Variants in GDA observed in about 807,000 individuals in gnomAD.
The protein encoded by GDA is guanine deaminase, also known as cytoplasmic PSD-95 interactor.
GDA carries 18 observed loss-of-function variants against 59.6 expected under a neutral mutation model. That is an observed-to-expected ratio of 0.30 (90% CI 0.21 to 0.45). The LOEUF is 0.45. Among genes scored for constraint, GDA ranks in the 20% least tolerant of loss-of-function variants. The probability of loss-of-function intolerance (pLI) is 1.00; values close to 1 mark genes in which losing one functional copy is unlikely to be tolerated. For synonymous variants in GDA, 201 were observed against 201.1 expected, an observed-to-expected ratio of 1.00 and a Z score of 0.00; for missense variants, 427 against 552.3, an observed-to-expected ratio of 0.77 and a Z score of 2.27.
chr9:72,165,347 A>G (rs368668348), intron 1 of GDA, among the ~76,000 whole-genome samples: 2 of 152,206 alleles, frequency 1.3e-5, no homozygotes, highest in Non-Finnish European at 2.9e-5. Flanking sequence ...ATAATCTAGC[A>G]TTTCAGCGTC....
At chr9:72,118,273 C>CAA (rs373179585) in intron 1 of GDA, among the ~76,000 whole-genome samples, 729 of 65,566 alleles carry the variant, frequency 0.011, 20 homozygotes, top group Non-Finnish European at 0.013. Flanking sequence ...GACTCCACCT[C>CAA]AAAAAAAAAA....
chr9:72,190,317 G>A lies in GDA; in HGVS notation c.124-5183G>A, dbSNP rs888107785. Among the ~76,000 whole-genome samples, 9 of 152,170 alleles carry A rather than the reference G, an allele frequency of 5.9e-5. No homozygotes were observed. The South Asian group carries it at 1.9e-3, about 32-fold the overall frequency. On this transcript the variant is annotated intron_variant, in intron 1 of 13. Coordinates refer to ENST00000358399, the MANE Select transcript of GDA (RefSeq NM_004293.5). Reference sequence around the variant, plus strand: ...AATTTTTGTATTTTTAGTAGAGATGGGGTTTCACCATGTTGGCCAGGCTGG... The same window carrying A: ...AATTTTTGTATTTTTAGTAGAGATGAGGTTTCACCATGTTGGCCAGGCTGG...
intron 1 of GDA, among the ~76,000 whole-genome samples, chr9:72,124,642 G>A (rs1825783140): frequency 6.6e-6 from 1 of 152,148 alleles, no homozygotes; most frequent in Admixed American, 6.5e-5. Flanking sequence ...GTTACAAGGT[G>A]TATGACATCC....
rs1384025125 is a variant in GDA at position 72,250,636 on chromosome 9, A to G, written c.*2294A>G. ...CTATACCTGGGGCCAGATTTTCTGC[A>G]CTTTGAAATGTTGCCTTTGCCTAAT... is the stretch of plus-strand genomic sequence containing the variant. On this transcript the variant is annotated 3_prime_UTR_variant, in exon 14 of 14. Transcript: ENST00000358399. 6 of 1,593,822 alleles carry G rather than the reference A, an allele frequency of 3.8e-6. No individual in the cohort carries two copies. Among genetic ancestry groups the G allele is most frequent in the South Asian group, 3.4e-5 (3 of 89,494 alleles).
At position 72,223,116 on chromosome 9, in the gene GDA, C is replaced by T; in HGVS notation, c.607-4C>T. 3 of 1,436,260 alleles carry T rather than the reference C, an allele frequency of 2.1e-6. No individual in the cohort carries two copies. Among genetic ancestry groups the T allele is most frequent in the Non-Finnish European group, 2.9e-6 (3 of 1,020,676 alleles). The allele number at this position is 1,436,260 out of a possible 1,614,324, so 89.0% of individuals were successfully genotyped here. On this transcript the variant is annotated splice_region_variant and splice_polypyrimidine_tract_variant and intron_variant, in intron 6 of 13. Transcript: ENST00000358399. ...AGGTATCAATTGTTTTTAATTATCT[C>T]CAGTATTCTAGAGTGAAGCCCATAG...
intron 1 of GDA, among the ~76,000 whole-genome samples, chr9:72,178,342 T>A (rs568501689): frequency 6.6e-6 from 1 of 152,316 alleles, no homozygotes; most frequent in African/African-American, 2.4e-5. Flanking sequence ...ATTGGAAATT[T>A]ATGTACATCA....
intron 1 of GDA, chr9:72,194,112 G>A (rs552377556): frequency 6.6e-6 from 1 of 152,394 alleles, no homozygotes; most frequent in African/African-American, 2.4e-5. Flanking sequence ...GACTCCAGGA[G>A]CCTGCTTGAT....
intron 11 of GDA, among the ~76,000 whole-genome samples, chr9:72,242,926 C>G (rs1407807840): frequency 6.6e-6 from 1 of 152,124 alleles, no homozygotes; most frequent in African/African-American, 2.4e-5. Flanking sequence ...GATCCTGTTT[C>G]TTTGATCAAG....
intron 1 of GDA, among the ~76,000 whole-genome samples, chr9:72,121,958 C>G (rs766705335): frequency 3.9e-5 from 6 of 152,144 alleles, no homozygotes; most frequent in Non-Finnish European, 8.8e-5. Context: ...TACCACTTTG[C>G]TAGTTTTTCT....
At chr9:72,116,363 C>T (rs1175052028) in intron 1 of GDA, among the ~76,000 whole-genome samples, 6 of 151,344 alleles carry the variant, frequency 4.0e-5, no homozygotes, top group African/African-American at 1.2e-4. Flanking sequence ...AATGACTCTA[C>T]ACCTCTATGA....
intron 2 of GDA, 81 bp from the exon 3 acceptor site, chr9:72,202,490 C>T: frequency 1.1e-6 from 1 of 951,656 alleles, no homozygotes; most frequent in Non-Finnish European, 1.6e-6. Context: ...TGAAATCATG[C>T]TTGGGAAAAA....
chr9:72,222,636 C>T (rs1837031866), intron 6 of GDA, among the ~76,000 whole-genome samples: 1 of 152,040 alleles, frequency 6.6e-6, no homozygotes, highest in Non-Finnish European at 1.5e-5. Context: ...GAAATCTTTT[C>T]CCATGCCTAT....
chr9:72,125,275 CTTCCTTCCTTCA>C (rs1480178828), intron 1 of GDA, among the ~76,000 whole-genome samples: 1 of 151,840 alleles, frequency 6.6e-6, no homozygotes, highest in African/African-American at 2.4e-5. Context: ...GAGAAGGATC[CTTCCTTCCTTCA>C]TTCCTTCCTT....
At chr9:72,138,409 G>A (rs542929855) in intron 1 of GDA, among the ~76,000 whole-genome samples, 8 of 152,172 alleles carry the variant, frequency 5.3e-5, no homozygotes, top group Non-Finnish European at 8.8e-5. Context: ...GAGCAGAACC[G>A]CTCTTAGTTG....
chr9:72,149,465 C>T lies in GDA; in HGVS notation c.-95C>T. 1 of 1,466,226 alleles carries T rather than the reference C, an allele frequency of 6.8e-7. No individual in the cohort carries two copies. Among genetic ancestry groups the T allele is most frequent in the Non-Finnish European group, 9.2e-7 (1 of 1,088,870 alleles). 90.8% of individuals were successfully genotyped at this position (1,466,226 alleles called of 1,614,324 possible). ...AGGACAAGGCCGGAGCCTGTGTCCG[C>T]CCGGCAGCCGCCCGCAGCTGCAGAG... is the stretch of plus-strand genomic sequence containing the variant. On this transcript the variant is annotated 5_prime_UTR_variant, in exon 1 of 14. Transcript: ENST00000358399.
At chr9:72,116,630 C>T (rs913545982) in intron 1 of GDA, among the ~76,000 whole-genome samples, 6 of 152,084 alleles carry the variant, frequency 3.9e-5, no homozygotes, top group Non-Finnish European at 7.4e-5. Flanking sequence ...CGTGATCCAC[C>T]TGCCTCGGCC....
chr9:72,259,016 A>G (rs1425913710), downstream of GDA, among the ~76,000 whole-genome samples: 1 of 151,622 alleles, frequency 6.6e-6, no homozygotes, highest in Non-Finnish European at 1.5e-5. Context: ...GTACTGTACA[A>G]ATAATAACTC....
downstream of GDA, among the ~76,000 whole-genome samples, chr9:72,258,327 A>AG (rs932855160): frequency 4.6e-5 from 7 of 152,230 alleles, no homozygotes; most frequent in African/African-American, 1.7e-4. Context: ...AGAAAAAAAA[A>AG]GAGAAAATAG....
At chr9:72,168,827 A>T (rs1829634284) in intron 1 of GDA, among the ~76,000 whole-genome samples, 1 of 152,240 alleles carries the variant, frequency 6.6e-6, no homozygotes, top group African/African-American at 2.4e-5. Flanking sequence ...TGTCACCAAC[A>T]GTTTGAGTGC....
Sources: gnomAD v4.1 joint callset for allele counts (sites outside exome capture counted in the v4.1 genomes callset) on GRCh38, gnomAD v4.1.1 for gene constraint, MANE v1.5 for transcripts, NCBI Gene and HGNC (gene_info 2026-07-23, HGNC 2026-07-21) for gene names.